DMXL1: variants seen among roughly 807,000 people sequenced by gnomAD.
DMXL1 encodes Dmx like 1.
A neutral mutation model predicts 319.2 loss-of-function variants in DMXL1; 99 were observed. The ratio of observed to expected loss-of-function variants is 0.31; its 90% CI spans 0.26 to 0.37. DMXL1 has a LOEUF of 0.37. DMXL1 is among the 10% of genes least tolerant of loss of function. The pLI is 1.00. For missense variants in DMXL1, 3,745 were observed against 3,595.6 expected (o/e 1.04, Z -1.06); for synonymous variants, 1,385 against 1,235.2 (o/e 1.12, Z -2.54).
intron 15 of DMXL1, among the ~76,000 whole-genome samples, chr5:119,144,934 A>G (rs1352402973): frequency 6.6e-6 from 1 of 151,774 alleles, no homozygotes; most frequent in Non-Finnish European, 1.5e-5. Context: ...ATCCATTTGG[A>G]TATTATGGAC....
chr5:119,073,593 A>G (rs553801496), intron 1 of DMXL1, among the ~76,000 whole-genome samples: 2 of 152,304 alleles, frequency 1.3e-5, no homozygotes, highest in East Asian at 1.9e-4. Flanking sequence ...GCTGAATTTT[A>G]AAGTTCATTT....
At chr5:119,100,050 C>G (rs1255430075) in intron 2 of DMXL1, among the ~76,000 whole-genome samples, 1 of 152,080 alleles carries the variant, frequency 6.6e-6, no homozygotes, top group Non-Finnish European at 1.5e-5. Context: ...GTTTTATAAT[C>G]ATTTAATGAA....
At chr5:119,245,292 G>T (rs901679265) in intron 43 of DMXL1, among the ~76,000 whole-genome samples, 8 of 152,114 alleles carry the variant, frequency 5.3e-5, no homozygotes, top group Non-Finnish European at 5.9e-5. Flanking sequence ...GACTAGGGGG[G>T]TTTAGTTTCA....
intron 2 of DMXL1, among the ~76,000 whole-genome samples, 155 bp downstream of exon 2, chr5:119,098,259 T>C (rs1756430903): frequency 6.6e-6 from 1 of 152,210 alleles, no homozygotes. Flanking sequence ...ATGCATTCTA[T>C]AGAGTGCCAG....
rs1231660819 is a variant in DMXL1, at chr5:119,223,043, C to T, written c.8278-1666C>T. Among the ~76,000 whole-genome samples the T allele has an allele frequency of 2.7e-5, 4 of 147,484 alleles. No homozygotes were observed. In the East Asian group the frequency reaches 8.2e-4, roughly 30 times the overall value. On this transcript the variant is annotated intron_variant, in intron 37 of 43. Transcript: ENST00000539542. ...GCGCTTACCAGTTATTGAAATTATT[C>T]ATTACTTAGTTGTGTTTTTTTTTTT...
chr5:119,222,891 C>T (rs1229833791), intron 37 of DMXL1, among the ~76,000 whole-genome samples: 1 of 151,862 alleles, frequency 6.6e-6, no homozygotes, highest in African/African-American at 2.4e-5. Context: ...ATGCTCTATC[C>T]CTCTGTTGTA....
At position 119,133,967 on chromosome 5, in the gene DMXL1, C is replaced by T. The variant is rs769204358; in HGVS notation, c.2043C>T (p.Cys681=). Residue 681 remains cysteine (C), a synonymous_variant, in exon 12 of 44, where the codon TGC becomes TGT. Transcript: ENST00000539542. ...TTGATGCTCTAAATATTGAAGAATG[C>T]TCTTTGACACAACAAAATAAAAGCA... is the stretch of plus-strand genomic sequence containing the variant. ...QPFDALNIEE[C]SLTQQNKSTV... 2 of 1,614,158 alleles carry T rather than the reference C, an allele frequency of 1.2e-6. No individual in the cohort carries two copies. Among genetic ancestry groups the T allele is most frequent in the East Asian group, 2.2e-5 (1 of 44,880 alleles).
chr5:119,131,868 C>G (rs750455562), intron 10 of DMXL1, among the ~76,000 whole-genome samples: 6 of 152,068 alleles, frequency 3.9e-5, no homozygotes, highest in Non-Finnish European at 8.8e-5. Flanking sequence ...ATCTTGAATC[C>G]ATTTATAAAG....
intron 34 of DMXL1, among the ~76,000 whole-genome samples, chr5:119,213,160 A>T (rs1398395448): frequency 2.6e-5 from 4 of 152,162 alleles, no homozygotes; most frequent in African/African-American, 9.7e-5. Context: ...TTTCATTTTC[A>T]TACTTTTTCC....
At chr5:119,103,936 G>T (rs1296053568) in intron 3 of DMXL1, among the ~76,000 whole-genome samples, 1 of 152,070 alleles carries the variant, frequency 6.6e-6, no homozygotes, top group African/African-American at 2.4e-5. Flanking sequence ...AAAAGAGGCT[G>T]GTTTATTGGC....
intron 5 of DMXL1, among the ~76,000 whole-genome samples, chr5:119,111,797 A>G (rs917063716): frequency 2.6e-5 from 4 of 152,056 alleles, no homozygotes; most frequent in Non-Finnish European, 5.9e-5. Flanking sequence ...TGGAGAGAAA[A>G]TTTTAACAAG....
At chr5:119,164,247 A>T (rs1037147323) in intron 19 of DMXL1, among the ~76,000 whole-genome samples, 6 of 152,210 alleles carry the variant, frequency 3.9e-5, no homozygotes, top group Admixed American at 3.9e-4. Flanking sequence ...TCCGAAATAC[A>T]TCAGCACAGT....
At position 119,134,197 on chromosome 5, in the gene DMXL1, A is replaced by G; in HGVS notation, c.2254+19A>G. On this transcript the variant is annotated intron_variant, in intron 12 of 43. Transcript: ENST00000539542. ...TGTCTGGGTAAGTATTCTGGTTTTT[A>G]TTACAGTAATTTAGATTTGCTGACA... The G allele has an allele frequency of 1.2e-6, 2 of 1,607,332 alleles. No individual in the cohort carries two copies. The highest frequency in any genetic ancestry group is 1.7e-6 in the Non-Finnish European group (2 of 1,177,420).
intron 19 of DMXL1, among the ~76,000 whole-genome samples, chr5:119,159,368 G>A (rs1484632896): frequency 6.6e-6 from 1 of 152,146 alleles, no homozygotes; most frequent in Non-Finnish European, 1.5e-5. Flanking sequence ...AAATGCTGGG[G>A]TTACAGGCGT....
chr5:119,120,109 G>A (rs915902794), intron 8 of DMXL1, among the ~76,000 whole-genome samples: 12 of 152,084 alleles, frequency 7.9e-5, no homozygotes, highest in African/African-American at 1.4e-4. Context: ...CTCCCACACC[G>A]GTTGGTCTCG....
At position 119,224,699 on chromosome 5, in the gene DMXL1, AT is replaced by A; in HGVS notation, c.8278-6del. 8.7e-7 allele frequency: 1 copy of A among 1,155,700 alleles called. No homozygotes were observed. Among genetic ancestry groups the A allele is most frequent in the Non-Finnish European group, 1.2e-6 (1 of 846,666 alleles). 71.6% of individuals were successfully genotyped at this position (1,155,700 alleles called of 1,614,324 possible). ...ATTATGCCTATAAAATAATTTTTCT[AT>A]TTTACCAGATGATTAAGAAAGCCAT... On this transcript the variant is annotated splice_polypyrimidine_tract_variant and intron_variant, in intron 37 of 43. Coordinates refer to ENST00000539542, the MANE Select transcript of DMXL1 (RefSeq NM_001290321.3).
chr5:119,120,629 A>G (rs1022734104), intron 8 of DMXL1, among the ~76,000 whole-genome samples: 1 of 152,236 alleles, frequency 6.6e-6, no homozygotes, highest in Non-Finnish European at 1.5e-5. Context: ...GTATGTAGAG[A>G]TATCAGTCAC....
In DMXL1 at chr5:119,071,520, C is replaced by G. The variant is rs760546265; in HGVS notation, c.-50C>G. ...AAGGAGGGAGGGAAGCAGCCGCTGA[C>G]CCGTGGCATGAGCTGGATGCGGTGT... is the stretch of plus-strand genomic sequence containing the variant. On this transcript the variant is annotated 5_prime_UTR_variant, in exon 1 of 44. Coordinates refer to ENST00000539542, the MANE Select transcript of DMXL1 (RefSeq NM_001290321.3). 9 of 1,542,056 alleles carry G rather than the reference C, an allele frequency of 5.8e-6. No individual in the cohort carries two copies. Among genetic ancestry groups the G allele is most frequent in the Non-Finnish European group, 7.9e-6 (9 of 1,133,158 alleles).
intron 4 of DMXL1, among the ~76,000 whole-genome samples, chr5:119,106,567 A>T (rs1364514469): frequency 6.6e-6 from 1 of 152,216 alleles, no homozygotes; most frequent in Non-Finnish European, 1.5e-5. Context: ...CTTTAAAGTC[A>T]TGCTAAAAAT....
Sources: allele counts gnomAD v4.1 joint callset (sites outside exome capture counted in the v4.1 genomes callset), GRCh38; gene constraint gnomAD v4.1.1; transcripts MANE v1.5; gene names NCBI Gene and HGNC (gene_info 2026-07-23, HGNC 2026-07-21).